Variants in ADAMTS2 observed in about 807,000 individuals in gnomAD.
ADAMTS2 encodes A disintegrin and metalloproteinase with thrombospondin motifs 2.
In ADAMTS2, 50 loss-of-function variants were observed where a neutral mutation model predicts 123.0. That is an observed-to-expected ratio of 0.41 (90% CI 0.32 to 0.51). The LOEUF is 0.51. Among genes scored for constraint, ADAMTS2 ranks in the 20% least tolerant of loss-of-function variants. The probability of loss-of-function intolerance (pLI) is 0.35; values close to 1 mark genes in which losing one functional copy is unlikely to be tolerated. For missense variants in ADAMTS2, 1,494 were observed against 1,705.2 expected, an observed-to-expected ratio of 0.88 and a Z score of 2.18; for synonymous variants, 678 against 695.4, an observed-to-expected ratio of 0.98 and a Z score of 0.39.
intron 10 of ADAMTS2, among the ~76,000 whole-genome samples, chr5:179,148,157 C>A (rs1200554380): frequency 6.6e-6 from 1 of 152,080 alleles, no homozygotes; most frequent in Non-Finnish European, 1.5e-5. Flanking sequence ...CTTCCCCCAG[C>A]ACAGCAGCAC....
rs564408997 is a variant in ADAMTS2, at chr5:179,150,138, C to G, written c.1629+2004G>C. Among the ~76,000 whole-genome samples the G allele has an allele frequency of 4.6e-5, 7 of 152,132 alleles. No homozygotes were observed. The East Asian group carries it at 1.4e-3, about 29-fold the overall frequency. ...GCCCCACCAGCTCCTGCTCCTGCTC[C>G]TGCTCCCTGAACCAGCATGCCTGTG... On this transcript the variant is annotated intron_variant, in intron 10 of 21. Coordinates refer to ENST00000251582, the MANE Select transcript of ADAMTS2 (RefSeq NM_014244.5).
chr5:179,203,087 G>A (rs1412049095), intron 4 of ADAMTS2, among the ~76,000 whole-genome samples: 1 of 152,210 alleles, frequency 6.6e-6, no homozygotes, highest in Non-Finnish European at 1.5e-5. Flanking sequence ...AAATGATGAG[G>A]GAAACTGAGG....
chr5:179,185,583 T>C lies in ADAMTS2; in HGVS notation c.892-4428A>G, dbSNP rs1054713024. Among the ~76,000 whole-genome samples, 2 of 152,114 alleles carry C rather than the reference T, an allele frequency of 1.3e-5. No individual in the cohort carries two copies. The highest frequency in any genetic ancestry group is 2.9e-5 in the Non-Finnish European group (2 of 68,012). On this transcript the variant is annotated intron_variant, in intron 4 of 21. Transcript: ENST00000251582. This position sits in a 1 kb window ranked among gnomAD's most constrained non-coding sequence, Gnocchi z 5.9. ...TGTCCTTCTGAACATTGAGCAGATC[T>C]AATCCTGCTCCCTGATTTGGGACAG...
chr5:179,273,437 A>G (rs1470642756), intron 2 of ADAMTS2, among the ~76,000 whole-genome samples: 1 of 152,192 alleles, frequency 6.6e-6, no homozygotes, highest in Non-Finnish European at 1.5e-5. Flanking sequence ...AAGTGCATCA[A>G]TATGGGCCAA....
At chr5:179,146,166 A>AAT (rs1409965892) in intron 10 of ADAMTS2, among the ~76,000 whole-genome samples, 1 of 152,188 alleles carries the variant, frequency 6.6e-6, no homozygotes, top group East Asian at 1.9e-4. Flanking sequence ...GTACACTTTA[A>AAT]AAAGTGAATT....
chr5:179,140,013 A>G lies in ADAMTS2; in HGVS notation c.1652T>C (p.Ile551Thr). The change falls in exon 11 of 22, where the codon ATC (isoleucine) becomes ACC (threonine). Residue 551 changes from isoleucine (I) to threonine (T), a missense_variant. By Grantham distance (89) the Ile-to-Thr change is moderately conservative. Transcript: ENST00000251582. ...PGKHCFKGHC[I>T]WLTPDILKRD... Reference sequence around the variant, plus strand: ...TTTGAGGATGTCAGGTGTCAGCCAGATGCAGTGTCCTTTAAAACAATGCTG... The same window carrying G: ...TTTGAGGATGTCAGGTGTCAGCCAGGTGCAGTGTCCTTTAAAACAATGCTG... 6.2e-7 allele frequency: 1 copy of G among 1,614,160 alleles called. No individual in the cohort carries two copies. Among genetic ancestry groups the G allele is most frequent in the Non-Finnish European group, 8.5e-7 (1 of 1,180,024 alleles).
rs147699851 is a variant in ADAMTS2 at position 179,319,871 on chromosome 5, G to A, written c.534+23896C>T. ...AACCCAGGTCCCCACTGGTCAGCAC[G>A]TTCACACCCAGCCTGCCACATCTCC... On this transcript the variant is annotated intron_variant, in intron 2 of 21. Coordinates refer to ENST00000251582, the MANE Select transcript of ADAMTS2 (RefSeq NM_014244.5). 2.7e-3 allele frequency among the ~76,000 whole-genome samples: 414 copies of A among 152,216 alleles called. 3 individuals carry two copies. Among genetic ancestry groups the A allele is most frequent in the Middle Eastern group, 0.02 (6 of 294 alleles).
intron 3 of ADAMTS2, among the ~76,000 whole-genome samples, chr5:179,223,554 TCACA>T (rs66800527): frequency 1.0e-3 from 152 of 148,038 alleles, no homozygotes; most frequent in African/African-American, 3.6e-3. Context: ...ACGAATGCAC[TCACA>T]CACACGCGAA....
At chr5:179,244,296 T>C (rs1765733896) in intron 3 of ADAMTS2, among the ~76,000 whole-genome samples, 1 of 151,960 alleles carries the variant, frequency 6.6e-6, no homozygotes, top group Non-Finnish European at 1.5e-5. Context: ...TTGCCACATA[T>C]GTGGGAATCC....
At position 179,225,151 on chromosome 5, in the gene ADAMTS2, G is replaced by A. The variant is rs556899819; in HGVS notation, c.689-17436C>T. On this transcript the variant is annotated intron_variant, in intron 3 of 21. Coordinates refer to ENST00000251582, the MANE Select transcript of ADAMTS2 (RefSeq NM_014244.5). This position sits in a 1 kb window ranked among gnomAD's most constrained non-coding sequence, Gnocchi z 4.5. The stretch of plus-strand genomic sequence containing the variant: ...CCACACGGCAACTAACACTCAGCAC[G>A]CACCAGGCTCCTCCTCCCTCTCATG... Among the ~76,000 whole-genome samples, 23 of 152,278 alleles carry A rather than the reference G, an allele frequency of 1.5e-4. No homozygotes were observed. Among genetic ancestry groups the A allele is most frequent in the South Asian group, 6.2e-4 (3 of 4,826 alleles).
chr5:179,221,428 A>G (rs1765123047), intron 3 of ADAMTS2, among the ~76,000 whole-genome samples: 1 of 152,186 alleles, frequency 6.6e-6, no homozygotes, highest in Admixed American at 6.5e-5. Flanking sequence ...ATCACCCACC[A>G]TGACCCTTGG....
At chr5:179,327,959 AAAAT>A (rs780158516) in intron 2 of ADAMTS2, among the ~76,000 whole-genome samples, 6 of 152,240 alleles carry the variant, frequency 3.9e-5, no homozygotes, top group African/African-American at 7.2e-5. Context: ...GTCTAGATGC[AAAAT>A]AAATAGAGAA....
chr5:179,208,695 A>C (rs1178484516), intron 3 of ADAMTS2, among the ~76,000 whole-genome samples: 1 of 152,150 alleles, frequency 6.6e-6, no homozygotes, highest in Non-Finnish European at 1.5e-5. Context: ...GCTGACCTGC[A>C]GCATCGATGG....
At chr5:179,143,347 C>T (rs1763202032) in intron 10 of ADAMTS2, among the ~76,000 whole-genome samples, 1 of 151,296 alleles carries the variant, frequency 6.6e-6, no homozygotes. Flanking sequence ...ACAGGAGAAT[C>T]TCTTGAACCC....
chr5:179,116,073 C>A (rs1054080044), intron 21 of ADAMTS2, among the ~76,000 whole-genome samples: 1 of 152,152 alleles, frequency 6.6e-6, no homozygotes, highest in Non-Finnish European at 1.5e-5. Flanking sequence ...ACAAGCCAAA[C>A]ACCTGGGTGC....
chr5:179,249,411 T>C (rs1057327501), intron 3 of ADAMTS2, among the ~76,000 whole-genome samples: 2 of 151,670 alleles, frequency 1.3e-5, no homozygotes, highest in African/African-American at 2.4e-5. Context: ...ATAGTGAAGG[T>C]AGACAAAATA....
At position 179,124,986 on chromosome 5, in the gene ADAMTS2, C is replaced by G. The variant is rs372498555; in HGVS notation, c.2945G>C (p.Gly982Ala). Residue 982 changes from glycine (G) to alanine (A), a missense_variant, in exon 19 of 22, where the codon GGG becomes GCG. By Grantham distance (60) the Gly-to-Ala change is moderately conservative. This residue lies in a region of ADAMTS2 where 953 missense variants were observed against 1,124.7 expected (regional missense o/e 0.85). Transcript: ENST00000251582. ...RELCPGRWRA[G>A]PWSQCSVTCG... Reference sequence around the variant, plus strand: ...GGGATTGCGTACCTGGGACCAGGGCCCGGCTCGCCAACGACCAGGGCAGAG... The same window carrying G: ...GGGATTGCGTACCTGGGACCAGGGCGCGGCTCGCCAACGACCAGGGCAGAG... 1 of 1,605,896 alleles carries G rather than the reference C, an allele frequency of 6.2e-7. No individual in the cohort carries two copies. Among genetic ancestry groups the G allele is most frequent in the South Asian group, 1.1e-5 (1 of 90,238 alleles).
chr5:179,201,938 G>A (rs72818626), intron 4 of ADAMTS2, among the ~76,000 whole-genome samples: 11,391 of 152,270 alleles, frequency 0.075, 551 homozygotes, highest in Middle Eastern at 0.11. Context: ...GTGGGCAGGT[G>A]GGTGGTTGCC....
At chr5:179,271,155 G>C (rs1333355594) in intron 3 of ADAMTS2, among the ~76,000 whole-genome samples, 2 of 152,202 alleles carry the variant, frequency 1.3e-5, no homozygotes, top group Non-Finnish European at 2.9e-5. Context: ...GATTGGGGGT[G>C]GGGGTGGAGG....
Sources: gnomAD v4.1 joint callset for allele counts (sites outside exome capture counted in the v4.1 genomes callset) on GRCh38, gnomAD v4.1.1 for gene constraint, gnomAD v4.1.1 regional missense constraint, Gnocchi (gnomAD v3.1) non-coding constraint, MANE v1.5 for transcripts, NCBI Gene and HGNC (gene_info 2026-07-23, HGNC 2026-07-21) for gene names.